Variants in HDAC7 observed in about 807,000 individuals in gnomAD.
The protein encoded by HDAC7 is histone deacetylase 7A.
Under a neutral mutation model 115.5 loss-of-function variants are expected in HDAC7, and 26 were observed. The observed-to-expected ratio is 0.23, with a 90% confidence interval of 0.16 to 0.31. HDAC7 has a LOEUF of 0.31. HDAC7 is among the 10% of genes least tolerant of loss of function. The pLI is 1.00. For synonymous variants in HDAC7, 564 were observed against 550.9 expected (o/e 1.02, Z -0.33); for missense variants, 1,068 against 1,329.0 (o/e 0.80, Z 3.05).
At chr12:47,819,438 C>A (rs1036887829) in intron 1 of HDAC7, among the ~76,000 whole-genome samples, 2 of 152,164 alleles carry the variant, frequency 1.3e-5, no homozygotes, top group East Asian at 1.9e-4. Context: ...GGTGATGGGA[C>A]GTGGGGCCCG....
intron 18 of HDAC7, 62 bp from the exon 19 acceptor site, chr12:47,789,410 C>T: frequency 6.3e-7 from 1 of 1,577,584 alleles, no homozygotes; most frequent in South Asian, 1.1e-5. Flanking sequence ...TCCCCAGGCC[C>T]CTGGGTTGGC....
intron 16 of HDAC7, chr12:47,791,042 A>AG: frequency 1.6e-6 from 1 of 610,454 alleles, no homozygotes. Context: ...GGGAAGGCTT[A>AG]GGCTGGACTC....
In HDAC7 at chr12:47,795,977, C is replaced by G. The variant is rs1592657923; in HGVS notation, c.835G>C (p.Val279Leu). The G allele has an allele frequency of 3.2e-6, 5 of 1,549,924 alleles. No individual in the cohort carries two copies. The highest frequency in any genetic ancestry group is 4.4e-6 in the Non-Finnish European group (5 of 1,147,214). The part of the protein sequence containing the change: ...GQRLRLQETS[V>L]APFALPTVSL... ...ACTGTCGGCAAGGCGAACGGGGCCA[C>G]AGAAGTCTCCTGCAGCCGCAGCCGC... is the stretch of plus-strand genomic sequence containing the variant. The change falls in exon 9 of 26, where the codon GTG becomes CTG. Residue 279 changes from valine (V) to leucine (L), a missense_variant. Val to Leu is a conservative substitution (Grantham distance 32, BLOSUM62 1). Transcript: ENST00000080059. This position sits in a 1 kb window ranked among gnomAD's most constrained non-coding sequence, Gnocchi z 4.3.
At chr12:47,811,404 A>G (rs1326274125) in intron 1 of HDAC7, among the ~76,000 whole-genome samples, 6 of 152,222 alleles carry the variant, frequency 3.9e-5, no homozygotes, top group African/African-American at 1.4e-4. Flanking sequence ...AGCTGTAAGG[A>G]CAATTTCTGG....
At chr12:47,808,558 C>A (rs1039613201) in intron 1 of HDAC7, among the ~76,000 whole-genome samples, 1 of 152,148 alleles carries the variant, frequency 6.6e-6, no homozygotes, top group Non-Finnish European at 1.5e-5. Flanking sequence ...GTTTCTGGGT[C>A]TGGCACTCTC....
intron 1 of HDAC7, among the ~76,000 whole-genome samples, chr12:47,814,867 T>C (rs150085350): frequency 6.6e-6 from 1 of 152,348 alleles, no homozygotes; most frequent in African/African-American, 2.4e-5. Context: ...TCAAAGGAAG[T>C]CCCACCTTGT....
chr12:47,799,166 A>G, intron 2 of HDAC7, 194 bp from the exon 3 acceptor site: 1 of 552,592 alleles, frequency 1.8e-6, no homozygotes, highest in Admixed American at 3.7e-5. Flanking sequence ...CGTGAGAAAA[A>G]AGTCACATGA....
Position 47,791,689 on chromosome 12 carries a change from C to T in HDAC7, c.1830G>A (p.Lys610=). ...CCGACTGCAGCTCTTCCAGGGAGGCCTTCCGGCCTCGGAGACACTGAAAAG... is the reference window on the plus strand; with the variant it reads ...CCGACTGCAGCTCTTCCAGGGAGGCTTTCCGGCCTCGGAGACACTGAAAAG... ...RSQCECLRGR[K]ASLEELQSVH... Residue 610 remains lysine, a synonymous_variant, in exon 15 of 26, where the codon AAG becomes AAA. Coordinates refer to ENST00000080059, the MANE Select transcript of HDAC7 (RefSeq NM_015401.5). 1 of 1,613,740 alleles carries T rather than the reference C, an allele frequency of 6.2e-7. No individual in the cohort carries two copies. The highest frequency in any genetic ancestry group is 1.3e-5 in the African/African-American group (1 of 75,050).
In HDAC7 at chr12:47,788,335, G is replaced by A. The variant is rs1294117333; in HGVS notation, c.2236-171C>T. 3.7e-5 allele frequency: 26 copies of A among 695,736 alleles called. No homozygotes were observed. The East Asian group carries it at 4.0e-4, about 11-fold the overall frequency. 43.1% of individuals were successfully genotyped at this position (695,736 alleles called of 1,614,324 possible). ...AGTGGCCCCACGTAATCCACTGCCC[G>A]GCTCTGAACCTCGGCCTCTCTGTGC... is the stretch of plus-strand genomic sequence containing the variant. On this transcript the variant is annotated intron_variant, in intron 19 of 25. Transcript: ENST00000080059.
intron 1 of HDAC7, among the ~76,000 whole-genome samples, chr12:47,814,167 G>A (rs6580638): frequency 0.087 from 13,265 of 152,230 alleles, 784 homozygotes; most frequent in African/African-American, 0.18. Flanking sequence ...GAGAGACTCT[G>A]GAGAGCCCAG....
intron 1 of HDAC7, among the ~76,000 whole-genome samples, chr12:47,804,939 G>A (rs1028618177): frequency 5.3e-5 from 8 of 152,042 alleles, no homozygotes; most frequent in Admixed American, 1.3e-4. Flanking sequence ...ATCTGCAAAA[G>A]GTGGATGAAA....
chr12:47,793,331 G>GCCCCCCC lies in HDAC7; in HGVS notation c.1678+37_1678+38insGGGGGGG. On this transcript the variant is annotated intron_variant, in intron 13 of 25. Coordinates refer to ENST00000080059, the MANE Select transcript of HDAC7 (RefSeq NM_015401.5). This position sits in a 1 kb window ranked among gnomAD's most constrained non-coding sequence, Gnocchi z 4.5. Reference sequence around the variant, plus strand: ...CACCCACATGGACTCGTGCAGCCGAGCCCCTCCCTCCACCCGCCACCCTCC... The same window carrying GCCCCCCC: ...CACCCACATGGACTCGTGCAGCCGAGCCCCCCCCCCCTCCCTCCACCCGCCACCCTCC... The GCCCCCCC allele has an allele frequency of 7.7e-7, 1 of 1,305,502 alleles. No homozygotes were observed. Among genetic ancestry groups the GCCCCCCC allele is most frequent in the South Asian group, 1.4e-5 (1 of 70,872 alleles). The allele number at this position is 1,305,502 out of a possible 1,614,324, so 80.9% of individuals were successfully genotyped here. A position where few individuals can be genotyped will look rare whatever the true frequency, so the allele number is the denominator to read the frequency against.
At chr12:47,818,183 C>A (rs1327872234) in intron 1 of HDAC7, among the ~76,000 whole-genome samples, 2 of 152,156 alleles carry the variant, frequency 1.3e-5, no homozygotes, top group Non-Finnish European at 2.9e-5. Flanking sequence ...CACAGAGACA[C>A]CCGCCGAATA....
At chr12:47,784,666 TG>T in intron 24 of HDAC7, 1 of 1,494,736 alleles carries the variant, frequency 6.7e-7, no homozygotes, top group Non-Finnish European at 9.0e-7. Context: ...GCCTGGGAGG[TG>T]GGACGAACAC....
At chr12:47,806,589 T>C (rs988574083) in intron 1 of HDAC7, among the ~76,000 whole-genome samples, 42 of 152,154 alleles carry the variant, frequency 2.8e-4, no homozygotes, top group Admixed American at 6.5e-5. Flanking sequence ...CTTGGGAGGC[T>C]GAGGCACAAG....
At chr12:47,783,923 AGGG>A in intron 25 of HDAC7, 37 bp from the exon 26 acceptor site, 1 of 1,610,780 alleles carries the variant, frequency 6.2e-7, no homozygotes, top group Non-Finnish European at 8.5e-7. Flanking sequence ...CTGGAGCACC[AGGG>A]CTGCAGCAAG....
chr12:47,797,364 C>A lies in HDAC7; in HGVS notation c.577+20G>T, dbSNP rs369036684. On this transcript the variant is annotated intron_variant, in intron 6 of 25. Transcript: ENST00000080059. This position sits in a 1 kb window ranked among gnomAD's most constrained non-coding sequence, Gnocchi z 5.5. Reference sequence around the variant, plus strand: ...TCCCCCTTCCTTTGCCTGAAAGGTCCGCCTGTTTGTTCAGCTCACCTGTCT... The same window carrying A: ...TCCCCCTTCCTTTGCCTGAAAGGTCAGCCTGTTTGTTCAGCTCACCTGTCT... 6.2e-7 allele frequency: 1 copy of A among 1,607,134 alleles called. No homozygotes were observed.
Position 47,795,488 on chromosome 12 carries a change from G to A in HDAC7, c.1087+99C>T. 2 of 1,411,496 alleles carry A rather than the reference G, an allele frequency of 1.4e-6. No homozygotes were observed. The highest frequency in any genetic ancestry group is 1.9e-6 in the Non-Finnish European group (2 of 1,027,110). 87.4% of individuals were successfully genotyped at this position (1,411,496 alleles called of 1,614,324 possible). On this transcript the variant is annotated intron_variant, in intron 10 of 25. Coordinates refer to ENST00000080059, the MANE Select transcript of HDAC7 (RefSeq NM_015401.5). This position sits in a 1 kb window ranked among gnomAD's most constrained non-coding sequence, Gnocchi z 4.3. ...GTGCAGCAGGGCAATGCGCAGGACAGGGGGACAGAGATGGGGAGGAAGGAT... is the reference window on the plus strand; with the variant it reads ...GTGCAGCAGGGCAATGCGCAGGACAAGGGGACAGAGATGGGGAGGAAGGAT...
intron 1 of HDAC7, among the ~76,000 whole-genome samples, chr12:47,806,223 A>G (rs34149349): frequency 0.067 from 10,182 of 152,364 alleles, 880 homozygotes; most frequent in Admixed American, 0.25. Context: ...CTGGCAGGCC[A>G]CAAACTGTGA....
Sources: allele counts gnomAD v4.1 joint callset (sites outside exome capture counted in the v4.1 genomes callset), GRCh38; gene constraint gnomAD v4.1.1; non-coding constraint Gnocchi (gnomAD v3.1); transcripts MANE v1.5; gene names NCBI Gene and HGNC (gene_info 2026-07-23, HGNC 2026-07-21).